Variants in DCDC1 observed in about 807,000 individuals in gnomAD.
DCDC1 encodes the protein doublecortin domain containing 1, also known as doublecortin domain-containing protein 1.
A neutral mutation model predicts 178.3 loss-of-function variants in DCDC1; 200 were observed. The ratio of observed to expected loss-of-function variants is 1.12; its 90% confidence interval spans 1.00 to 1.26. DCDC1 has a LOEUF of 1.26. Among genes scored for constraint, DCDC1 ranks in the 50% most tolerant of loss-of-function variants. The pLI is 0.00. For missense variants in DCDC1, 1,983 were observed against 1,749.2 expected, an observed-to-expected ratio of 1.13 and a Z score of -2.38; for synonymous variants, 690 against 604.8, an observed-to-expected ratio of 1.14 and a Z score of -2.07.
chr11:30,883,326 GA>G, intron 36 of DCDC1: 1 of 210,394 alleles, frequency 4.8e-6, no homozygotes. Context: ...ACAGAAAAAG[GA>G]AAAGAGACAA....
chr11:30,879,603 G>T lies in DCDC1; in HGVS notation c.5234-892C>A, dbSNP rs549771584. Among the ~76,000 whole-genome samples the T allele has an allele frequency of 4.6e-5, 7 of 152,154 alleles. 1 individual carries two copies. In the East Asian group the frequency reaches 1.4e-3, roughly 29 times the overall value. ...GGAAAGAAATAAACTTTCATACGATGGTAATCTATGTATTTATAAAATTGA... is the reference window on the plus strand; with the variant it reads ...GGAAAGAAATAAACTTTCATACGATTGTAATCTATGTATTTATAAAATTGA... On this transcript the variant is annotated intron_variant, in intron 37 of 38. Transcript: ENST00000684477.
chr11:31,344,982 C>A lies in DCDC1; in HGVS notation c.-124-9418G>T, dbSNP rs574098863. The stretch of plus-strand genomic sequence containing the variant: ...AAGAAATTATGCATGCTCTCCCCAA[C>A]CTATATTATCAACATATTTTTTCAT... On this transcript the variant is annotated intron_variant, in intron 1 of 38. Transcript: ENST00000684477. Among the ~76,000 whole-genome samples, 73 of 152,276 alleles carry A rather than the reference C, an allele frequency of 4.8e-4. 1 individual carries two copies. The South Asian group carries it at 8.5e-3, about 18-fold the overall frequency.
At chr11:31,233,537 G>C (rs1976083227) in intron 9 of DCDC1, among the ~76,000 whole-genome samples, 1 of 152,126 alleles carries the variant, frequency 6.6e-6, no homozygotes, top group African/African-American at 2.4e-5. Context: ...GGTTAAATCA[G>C]TGACTGGTAG....
At chr11:31,296,547 T>C (rs1294681338) in intron 6 of DCDC1, among the ~76,000 whole-genome samples, 1 of 152,168 alleles carries the variant, frequency 6.6e-6, no homozygotes, top group Non-Finnish European at 1.5e-5. Context: ...CAAAGTTGCT[T>C]CATTTTTGGG....
chr11:30,922,503 C>A lies in DCDC1; in HGVS notation c.3133G>T (p.Ala1045Ser). ...TAAGGTAAATAATTCCAATGCTTACCTTCTATTTTATGTGTGCTGCAGAAG... is the reference window on the plus strand; with the variant it reads ...TAAGGTAAATAATTCCAATGCTTACATTCTATTTTATGTGTGCTGCAGAAG... ...QIFCSTHKIE[A>S]LVLEVQSDIV... The change falls in exon 24 of 39, where the codon GCT (alanine) becomes TCT (serine). Residue 1045 changes from alanine to serine, a missense_variant and splice_region_variant. Coordinates refer to ENST00000684477, the MANE Select transcript of DCDC1 (RefSeq NM_001387274.1). 1 of 1,521,544 alleles carries A rather than the reference C, an allele frequency of 6.6e-7. No homozygotes were observed. The highest frequency in any genetic ancestry group is 1.3e-5 in the South Asian group (1 of 75,460). 94.3% of individuals were successfully genotyped at this position (1,521,544 alleles called of 1,614,324 possible). A position where few individuals can be genotyped will look rare whatever the true frequency, so the allele number is the denominator to read the frequency against.
intron 21 of DCDC1, among the ~76,000 whole-genome samples, chr11:30,949,456 A>C (rs1948272127): frequency 6.6e-6 from 1 of 152,212 alleles, no homozygotes. Context: ...GTGATTCCTC[A>C]AGGATCTAGA....
intron 10 of DCDC1, among the ~76,000 whole-genome samples, chr11:31,135,026 A>G (rs1046848928): frequency 1.1e-4 from 17 of 152,310 alleles, no homozygotes; most frequent in African/African-American, 3.8e-4. Context: ...AAAAATTTTA[A>G]AAAAGCTTAA....
intron 15 of DCDC1, among the ~76,000 whole-genome samples, chr11:31,100,730 G>A (rs1202148137): frequency 6.6e-6 from 1 of 152,200 alleles, no homozygotes; most frequent in Non-Finnish European, 1.5e-5. Flanking sequence ...AGCGGAGGTA[G>A]ATTAGAGGAG....
chr11:31,304,835 C>T (rs76476867), intron 6 of DCDC1, among the ~76,000 whole-genome samples: 2,761 of 152,156 alleles, frequency 0.018, 83 homozygotes, highest in African/African-American at 0.063. Context: ...AGTCCTTATT[C>T]CTGTTATTTA....
At chr11:30,995,918 A>T in intron 20 of DCDC1, among the ~76,000 whole-genome samples, 1 of 152,168 alleles carries the variant, frequency 6.6e-6, no homozygotes, top group East Asian at 1.9e-4. Flanking sequence ...ACAAAATTTA[A>T]ATTAGACGTT....
At position 30,961,025 on chromosome 11, in the gene DCDC1, A is replaced by G. The variant is rs990072561; in HGVS notation, c.2592-8457T>C. Reference sequence around the variant, plus strand: ...TGATTGACAGTTATCTCCTCTCTCAAAAACAAAATCCAGAATTAAACATAT... The same window carrying G: ...TGATTGACAGTTATCTCCTCTCTCAGAAACAAAATCCAGAATTAAACATAT... On this transcript the variant is annotated intron_variant, in intron 20 of 38. Transcript: ENST00000684477. Among the ~76,000 whole-genome samples, 3 of 152,232 alleles carry G rather than the reference A, an allele frequency of 2.0e-5. No individual in the cohort carries two copies. In the East Asian group the frequency reaches 5.8e-4, roughly 29 times the overall value.
At chr11:31,173,826 G>T (rs963830269) in intron 9 of DCDC1, among the ~76,000 whole-genome samples, 2 of 151,718 alleles carry the variant, frequency 1.3e-5, no homozygotes, top group Non-Finnish European at 2.9e-5. Flanking sequence ...AGAAAATTTG[G>T]CCAGGTTTTC....
chr11:31,333,844 C>T (rs1272552836), intron 2 of DCDC1, among the ~76,000 whole-genome samples: 3 of 152,150 alleles, frequency 2.0e-5, no homozygotes, highest in Admixed American at 6.6e-5. Context: ...GTGAATCTGA[C>T]AATTATGTGT....
At chr11:31,159,476 T>G (rs990768081) in intron 9 of DCDC1, among the ~76,000 whole-genome samples, 1 of 152,174 alleles carries the variant, frequency 6.6e-6, no homozygotes, top group African/African-American at 2.4e-5. Flanking sequence ...TCAATACTAC[T>G]ACTATCTAGT....
chr11:31,284,029 A>G (rs1946643498), intron 7 of DCDC1, among the ~76,000 whole-genome samples: 1 of 151,964 alleles, frequency 6.6e-6, no homozygotes, highest in Non-Finnish European at 1.5e-5. Context: ...GTACAAAGAC[A>G]TAGTGAACTT....
chr11:31,237,284 T>C (rs765103686), intron 9 of DCDC1, among the ~76,000 whole-genome samples: 4 of 151,854 alleles, frequency 2.6e-5, no homozygotes, highest in African/African-American at 9.7e-5. Flanking sequence ...AATTTTAAAC[T>C]GCAAAAACAA....
At chr11:31,044,000 CTT>C in intron 20 of DCDC1, among the ~76,000 whole-genome samples, 1 of 152,088 alleles carries the variant, frequency 6.6e-6, no homozygotes, top group African/African-American at 2.4e-5. Context: ...TCAAAGATGT[CTT>C]TCCCTAATTT....
At chr11:31,018,408 T>C (rs907246463) in intron 20 of DCDC1, among the ~76,000 whole-genome samples, 1 of 152,150 alleles carries the variant, frequency 6.6e-6, no homozygotes, top group East Asian at 1.9e-4. Context: ...TAAGACAAGG[T>C]CACTGGTATT....
intron 9 of DCDC1, among the ~76,000 whole-genome samples, chr11:31,166,400 G>A (rs1966793581): frequency 6.6e-6 from 1 of 152,170 alleles, no homozygotes; most frequent in African/African-American, 2.4e-5. Flanking sequence ...GTAGATATAA[G>A]CATCCATAGG....
Sources: gnomAD v4.1 joint callset for allele counts (sites outside exome capture counted in the v4.1 genomes callset) on GRCh38, gnomAD v4.1.1 for gene constraint, MANE v1.5 for transcripts, NCBI Gene and HGNC (gene_info 2026-07-23, HGNC 2026-07-21) for gene names.